The following PLEKHA7 variants were observed in gnomAD, a reference collection of about 807,000 sequenced individuals.
PLEKHA7 encodes pleckstrin homology domain-containing family A member 7.
PLEKHA7 carries 104 observed loss-of-function variants against 170.0 expected under a neutral mutation model. The observed-to-expected ratio is 0.61, with a 90% CI of 0.52 to 0.72. The LOEUF is 0.72. Ranked by LOEUF, PLEKHA7 falls within the 30% of genes least tolerant of loss-of-function variation. PLEKHA7 has a pLI of 0.00. For missense variants in PLEKHA7, 1,615 were observed against 1,671.7 expected (o/e 0.97, Z 0.59); for synonymous variants, 648 against 660.8 (o/e 0.98, Z 0.30).
At chr11:16,827,370 A>G (rs1268864472) in intron 9 of PLEKHA7, among the ~76,000 whole-genome samples, 1 of 152,222 alleles carries the variant, frequency 6.6e-6, no homozygotes, top group Non-Finnish European at 1.5e-5. Flanking sequence ...TGACTCACAG[A>G]GAAGATCGAT....
intron 6 of PLEKHA7, among the ~76,000 whole-genome samples, chr11:16,854,335 T>C (rs1277566400): frequency 6.6e-6 from 1 of 152,160 alleles, no homozygotes; most frequent in Non-Finnish European, 1.5e-5. Flanking sequence ...AATCTGGTGA[T>C]AGTGCTGAGG....
intron 3 of PLEKHA7, among the ~76,000 whole-genome samples, chr11:16,929,203 G>A (rs556890575): frequency 2.7e-4 from 41 of 152,104 alleles, no homozygotes; most frequent in Non-Finnish European, 4.7e-4. Context: ...GCCCCAGTTG[G>A]TGCCCCAACA....
chr11:16,945,684 TGGAGGTGAGG>T (rs1479317046), intron 3 of PLEKHA7, among the ~76,000 whole-genome samples: 1 of 152,138 alleles, frequency 6.6e-6, no homozygotes, highest in Non-Finnish European at 1.5e-5. Context: ...TGGCACTCTG[TGGAGGTGAGG>T]GGTGGTGAGG....
At chr11:16,868,920 G>C (rs573898438) in intron 4 of PLEKHA7, among the ~76,000 whole-genome samples, 1 of 152,306 alleles carries the variant, frequency 6.6e-6, no homozygotes, top group South Asian at 2.1e-4. Flanking sequence ...CAAGTGTTTT[G>C]TAATGGTAGG....
At chr11:16,786,758 G>A (rs1849424589) in intron 23 of PLEKHA7, 1 of 985,304 alleles carries the variant, frequency 1.0e-6, no homozygotes, top group Non-Finnish European at 1.2e-6. Flanking sequence ...GCTGGTTCAG[G>A]AGACATACGT....
At chr11:16,924,281 G>A (rs1590629913) in intron 3 of PLEKHA7, among the ~76,000 whole-genome samples, 2 of 152,186 alleles carry the variant, frequency 1.3e-5, no homozygotes, top group African/African-American at 2.4e-5. Flanking sequence ...CTACTGAGGG[G>A]CCTGGGAGAG....
chr11:16,791,775 C>T lies in PLEKHA7; in HGVS notation c.2746-576G>A, dbSNP rs972385891. ...TCCTTCCTGACTCAGACAGAACAGG[C>T]GGTCAGGATGAGTGACTCACTGCCT... On this transcript the variant is annotated intron_variant, in intron 19 of 26. Transcript: ENST00000531066. This position sits in a 1 kb window ranked among gnomAD's most constrained non-coding sequence, Gnocchi z 4.5. The T allele has an allele frequency of 9.4e-6, 4 of 426,316 alleles. No homozygotes were observed. The highest frequency in any genetic ancestry group is 2.5e-5 in the Admixed American group (1 of 40,726). The allele number at this position is 426,316 out of a possible 1,614,324, so 26.4% of individuals were successfully genotyped here. A position where few individuals can be genotyped will look rare whatever the true frequency, so the allele number is the denominator to read the frequency against.
chr11:16,910,982 T>A (rs1393578561), intron 3 of PLEKHA7, among the ~76,000 whole-genome samples: 1 of 152,230 alleles, frequency 6.6e-6, no homozygotes, highest in African/African-American at 2.4e-5. Flanking sequence ...GCAAGAGTGA[T>A]GTGACATTTT....
chr11:16,987,263 ACC>A (rs1399422496), intron 3 of PLEKHA7, among the ~76,000 whole-genome samples: 1 of 65,628 alleles, frequency 1.5e-5, no homozygotes, highest in African/African-American at 6.8e-5. Flanking sequence ...CATCCCCCAC[ACC>A]CCCCACTGAC....
rs1192052750 is a variant in PLEKHA7 at position 16,906,666 on chromosome 11, G to A, written c.222-35484C>T. On this transcript the variant is annotated intron_variant, in intron 3 of 26. Transcript: ENST00000531066. ...GGCTGGAGTGCAGTGGCGTGATCTC[G>A]GCTCGCTACAACCTCCACCTCCCAG... 2.8e-4 allele frequency among the ~76,000 whole-genome samples: 39 copies of A among 138,930 alleles called. 4 individuals are homozygous for A. Among genetic ancestry groups the A allele is most frequent in the African/African-American group, 1.1e-3 (36 of 31,688 alleles). 91.1% of individuals were successfully genotyped at this position (138,930 alleles called of 152,430 possible).
At chr11:16,954,219 TAAAG>T in intron 3 of PLEKHA7, among the ~76,000 whole-genome samples, 1 of 152,148 alleles carries the variant, frequency 6.6e-6, no homozygotes, top group East Asian at 1.9e-4. Flanking sequence ...GAGCAAACAA[TAAAG>T]AACCAATAAT....
intron 3 of PLEKHA7, among the ~76,000 whole-genome samples, chr11:16,956,805 A>C (rs774010991): frequency 3.3e-5 from 5 of 152,068 alleles, no homozygotes; most frequent in Non-Finnish European, 5.9e-5. Context: ...TATCACACTT[A>C]CCTGAGGTCT....
At chr11:16,858,118 T>C (rs1428182980) in intron 4 of PLEKHA7, among the ~76,000 whole-genome samples, 1 of 152,192 alleles carries the variant, frequency 6.6e-6, no homozygotes, top group East Asian at 1.9e-4. Flanking sequence ...GAGAAAAACA[T>C]CACCCATAGT....
rs1214788800 is a variant in PLEKHA7 at position 16,855,888 on chromosome 11, T to C, written c.332A>G (p.Asp111Gly). The stretch of plus-strand genomic sequence containing the variant: ...CATGCTGGACGGTCTTTGGTTTCTG[T>C]CTTGCTTCGACATATGTGGATTCGG... The part of the protein sequence containing the change: ...EEPNPHMSKQ[D>G]RNQRPSSMVS... The change falls in exon 5 of 27, where the codon GAC becomes GGC. Residue 111 changes from aspartate to glycine, a missense_variant. Physicochemically the swap from Asp to Gly is moderately conservative, Grantham distance 94 (BLOSUM62 -1). Transcript: ENST00000531066. 6.2e-7 allele frequency: 1 copy of C among 1,614,174 alleles called. No individual in the cohort carries two copies. Among genetic ancestry groups the C allele is most frequent in the African/African-American group, 1.3e-5 (1 of 75,034 alleles).
intron 26 of PLEKHA7, among the ~76,000 whole-genome samples, chr11:16,780,360 G>A (rs1426629007): frequency 1.3e-5 from 2 of 152,198 alleles, no homozygotes; most frequent in African/African-American, 2.4e-5. Flanking sequence ...CTGGCTGAGG[G>A]CCAATTTCAC....
intron 9 of PLEKHA7, among the ~76,000 whole-genome samples, chr11:16,837,004 A>G (rs1322668757): frequency 3.3e-5 from 5 of 152,008 alleles, no homozygotes; most frequent in Non-Finnish European, 5.9e-5. Context: ...TTGTATTTTT[A>G]GTAGAGATGG....
At chr11:16,890,296 T>G (rs1043969064) in intron 3 of PLEKHA7, among the ~76,000 whole-genome samples, 2 of 152,178 alleles carry the variant, frequency 1.3e-5, no homozygotes, top group African/African-American at 2.4e-5. Flanking sequence ...AAACCTCACA[T>G]AGCAATACTA....
intron 17 of PLEKHA7, among the ~76,000 whole-genome samples, chr11:16,800,397 G>C (rs1216280385): frequency 6.6e-6 from 1 of 152,172 alleles, no homozygotes; most frequent in Admixed American, 6.5e-5. Flanking sequence ...TTTTTTAAGG[G>C]TGAAGTGGCA....
intron 3 of PLEKHA7, among the ~76,000 whole-genome samples, chr11:16,872,471 A>G (rs893005202): frequency 6.6e-6 from 1 of 152,202 alleles, no homozygotes; most frequent in Admixed American, 6.5e-5. Flanking sequence ...GTCCTATATT[A>G]TTAAGACTTC....
Sources: gnomAD v4.1 joint callset for allele counts (sites outside exome capture counted in the v4.1 genomes callset) on GRCh38, gnomAD v4.1.1 for gene constraint, Gnocchi (gnomAD v3.1) non-coding constraint, MANE v1.5 for transcripts, NCBI Gene and HGNC (gene_info 2026-07-23, HGNC 2026-07-21) for gene names.